RAPH1: variants seen among roughly 807,000 people sequenced by gnomAD.
RAPH1 encodes the protein ras-associated and pleckstrin homology domains-containing protein 1.
A neutral mutation model predicts 88.1 loss-of-function variants in RAPH1; 18 were observed. The ratio of observed to expected loss-of-function variants is 0.20; its 90% CI spans 0.14 to 0.30. RAPH1 has a LOEUF of 0.30. RAPH1 is among the 10% of genes least tolerant of loss of function. RAPH1 has a pLI of 1.00. For synonymous variants in RAPH1, 587 were observed against 559.0 expected, an observed-to-expected ratio of 1.05 and a Z score of -0.71; for missense variants, 1,448 against 1,543.2, an observed-to-expected ratio of 0.94 and a Z score of 1.03.
intron 1 of RAPH1, among the ~76,000 whole-genome samples, chr2:203,513,884 G>A (rs1049748975): frequency 4.0e-5 from 6 of 150,092 alleles, no homozygotes; most frequent in African/African-American, 9.8e-5. Context: ...TCTCTCTGTC[G>A]CCCAGGCTGG....
chr2:203,498,052 A>T (rs1191039694), intron 1 of RAPH1, among the ~76,000 whole-genome samples: 2 of 152,216 alleles, frequency 1.3e-5, no homozygotes, highest in African/African-American at 4.8e-5. Context: ...ACTTGCTTTT[A>T]CTTCCTAATC....
intron 1 of RAPH1, among the ~76,000 whole-genome samples, chr2:203,524,025 C>G (rs1307246317): frequency 3.9e-5 from 6 of 152,008 alleles, no homozygotes; most frequent in Non-Finnish European, 8.8e-5. Context: ...ATAAAAAAGA[C>G]AAGCTAAGTT....
chr2:203,514,981 A>C (rs1206168711), intron 1 of RAPH1, among the ~76,000 whole-genome samples: 1 of 152,180 alleles, frequency 6.6e-6, no homozygotes, highest in Non-Finnish European at 1.5e-5. Flanking sequence ...TAATGCTGCC[A>C]TATTTATTAT....
chr2:203,474,073 C>A (rs564770025), intron 4 of RAPH1, among the ~76,000 whole-genome samples: 1 of 152,088 alleles, frequency 6.6e-6, no homozygotes, highest in African/African-American at 2.4e-5. Context: ...CCCAAATTAG[C>A]GGCTTAATAA....
chr2:203,506,802 ATATC>A (rs1689052303), intron 1 of RAPH1, among the ~76,000 whole-genome samples: 5 of 118,532 alleles, frequency 4.2e-5, no homozygotes, highest in African/African-American at 1.6e-4. Flanking sequence ...ATCTATATAT[ATATC>A]TATATCTATA....
intron 7 of RAPH1, among the ~76,000 whole-genome samples, chr2:203,458,519 T>C (rs2098521672): frequency 6.6e-6 from 1 of 152,190 alleles, no homozygotes; most frequent in Non-Finnish European, 1.5e-5. Context: ...GGGGTCACAT[T>C]TGCATATAAC....
chr2:203,528,174 A>G (rs1465330728), intron 1 of RAPH1, among the ~76,000 whole-genome samples: 3 of 152,214 alleles, frequency 2.0e-5, no homozygotes, highest in African/African-American at 7.2e-5. Context: ...ATAGTTTCTA[A>G]AAACAGAAAC....
rs940260917 is a variant in RAPH1 at position 203,434,234 on chromosome 2, T to C, written c.*5203A>G. 3 of 152,576 alleles carry C rather than the reference T, an allele frequency of 2.0e-5. No individual in the cohort carries two copies. The highest frequency in any genetic ancestry group is 6.6e-5 in the Admixed American group (1 of 15,266). 9.5% of individuals were successfully genotyped at this position (152,576 alleles called of 1,614,324 possible). A position where few individuals can be genotyped will look rare whatever the true frequency, so the allele number is the denominator to read the frequency against. The stretch of plus-strand genomic sequence containing the variant: ...ATAATAATGTCCTCTACCTGGTACA[T>C]TATAATGAAGTTCCTTGTCTTCTTC... On this transcript the variant is annotated 3_prime_UTR_variant, in exon 14 of 14. Transcript: ENST00000319170.
chr2:203,462,552 G>A (rs1419721839), intron 4 of RAPH1, among the ~76,000 whole-genome samples: 3 of 152,108 alleles, frequency 2.0e-5, no homozygotes, highest in Non-Finnish European at 4.4e-5. Context: ...TGTAATCAAT[G>A]TCTTATGTCA....
rs1304080091 is a variant in RAPH1, at chr2:203,437,793, CTT to C, written c.*1642_*1643del. The C allele has an allele frequency of 5.3e-6, 1 of 188,822 alleles. No individual in the cohort carries two copies. Among genetic ancestry groups the C allele is most frequent in the African/African-American group, 2.4e-5 (1 of 41,894 alleles). The allele number at this position is 188,822 out of a possible 1,614,324, so 11.7% of individuals were successfully genotyped here. A position where few individuals can be genotyped will look rare whatever the true frequency, so the allele number is the denominator to read the frequency against. On this transcript the variant is annotated 3_prime_UTR_variant, in exon 14 of 14. Coordinates refer to ENST00000319170, the MANE Select transcript of RAPH1 (RefSeq NM_213589.3). ...CCCACTTTACTGGCATCACTTTTTC[CTT>C]GTGGGACAATGTCAACTGATTTCTG...
At position 203,437,294 on chromosome 2, in the gene RAPH1, CA is replaced by C. The variant is rs1469624061; in HGVS notation, c.*2142del. ...GTCTACCTTCTCATGAGAAAATCAC[CA>C]CCACAATAAAACTCAAAACCTCAGG... On this transcript the variant is annotated 3_prime_UTR_variant, in exon 14 of 14. Transcript: ENST00000319170. 1 of 152,136 alleles carries C rather than the reference CA, an allele frequency of 6.6e-6. No homozygotes were observed. Among genetic ancestry groups the C allele is most frequent in the African/African-American group, 2.4e-5 (1 of 41,412 alleles). The allele number at this position is 152,136 out of a possible 1,614,324, so 9.4% of individuals were successfully genotyped here.
At chr2:203,444,827 T>C (rs982824698) in intron 13 of RAPH1, 41 bp downstream of exon 13, 5 of 1,593,794 alleles carry the variant, frequency 3.1e-6, no homozygotes, top group Non-Finnish European at 4.3e-6. Flanking sequence ...CCCAAAAGAA[T>C]ACCACAGAAT....
intron 6 of RAPH1, 111 bp downstream of exon 6, chr2:203,461,138 A>T (rs2098523907): frequency 2.2e-6 from 1 of 461,208 alleles, no homozygotes; most frequent in South Asian, 1.1e-4. Context: ...AATAAAATAA[A>T]ATAAAAACAT....
chr2:203,490,111 GTT>G, intron 3 of RAPH1, 22 bp from the exon 4 acceptor site: 1 of 1,556,454 alleles, frequency 6.4e-7, no homozygotes, highest in Non-Finnish European at 8.7e-7. Flanking sequence ...AACACATAAT[GTT>G]TCCAGAATTT....
intron 2 of RAPH1, among the ~76,000 whole-genome samples, chr2:203,493,994 A>G (rs952017724): frequency 8.0e-5 from 12 of 149,920 alleles, no homozygotes; most frequent in African/African-American, 2.5e-4. Flanking sequence ...AAAAAAAAAA[A>G]AAAAGAAAAA....
chr2:203,440,295 GCTGGACGTCTTA>G lies in RAPH1; in HGVS notation c.2883_2894del (p.Lys962_Ser965del), dbSNP rs1350983814. 1.2e-6 allele frequency: 2 copies of G among 1,613,728 alleles called. No individual in the cohort carries two copies. Among genetic ancestry groups the G allele is most frequent in the Admixed American group, 3.3e-5 (2 of 59,996 alleles). On this transcript the variant is annotated inframe_deletion, in exon 14 of 14. Transcript: ENST00000319170. Reference sequence around the variant, plus strand: ...TTGGGGGTGGTTTCTTTCCCCCAGGGCTGGACGTCTTACTGGTCTTTTTGCCTGGAGATCCAC... The same window carrying G: ...TTGGGGGTGGTTTCTTTCCCCCAGGGCTGGTCTTTTTGCCTGGAGATCCAC...
At chr2:203,470,829 A>G (rs1344597781) in intron 4 of RAPH1, among the ~76,000 whole-genome samples, 1 of 152,198 alleles carries the variant, frequency 6.6e-6, no homozygotes, top group Non-Finnish European at 1.5e-5. Context: ...ATATCCATCA[A>G]TATTTTGCCT....
intron 1 of RAPH1, among the ~76,000 whole-genome samples, chr2:203,530,370 G>C (rs1026438367): frequency 2.6e-5 from 4 of 152,182 alleles, no homozygotes; most frequent in Admixed American, 6.5e-5. Flanking sequence ...AAGGGTTAGA[G>C]ATGTTAAACA....
Position 203,445,019 on chromosome 2 carries a change from A to C in RAPH1, c.1634-9T>G, listed in dbSNP as rs1169505469. On this transcript the variant is annotated splice_polypyrimidine_tract_variant and intron_variant, in intron 12 of 13. Coordinates refer to ENST00000319170, the MANE Select transcript of RAPH1 (RefSeq NM_213589.3). ...GTGGTTTGACTGAGACTCTGTTTAA[A>C]ATAGTTTTTTAAACATAGGTTTAAA... 1.2e-6 allele frequency: 2 copies of C among 1,609,784 alleles called. No individual in the cohort carries two copies. The highest frequency in any genetic ancestry group is 2.2e-5 in the East Asian group (1 of 44,866).
Sources: allele counts gnomAD v4.1 joint callset (sites outside exome capture counted in the v4.1 genomes callset), GRCh38; gene constraint gnomAD v4.1.1; transcripts MANE v1.5; gene names NCBI Gene and HGNC (gene_info 2026-07-23, HGNC 2026-07-21).